The following BMPR1B variants were observed in gnomAD, a reference collection of about 807,000 sequenced individuals.
BMPR1B encodes the protein bone morphogenetic protein receptor type 1B.
In BMPR1B, 12 loss-of-function variants were observed where a neutral mutation model predicts 59.1. The observed-to-expected ratio is 0.20, with a 90% CI of 0.13 to 0.33. BMPR1B has a LOEUF of 0.33. Among genes scored for constraint, BMPR1B ranks in the 10% least tolerant of loss-of-function variants. The pLI, the probability that BMPR1B is intolerant of heterozygous loss-of-function variation, is 1.00. For synonymous variants in BMPR1B, 237 were observed against 207.3 expected, an observed-to-expected ratio of 1.14 and a Z score of -1.23; for missense variants, 550 against 610.9, an observed-to-expected ratio of 0.90 and a Z score of 1.05.
Position 95,093,445 on chromosome 4 carries a change from AGGTTTATAATTCTATGT to A in BMPR1B, c.-17-10962_-17-10946del, listed in dbSNP as rs1730142769. 2.7e-4 allele frequency among the ~76,000 whole-genome samples: 6 copies of A among 21,992 alleles called. No individual in the cohort carries two copies. In the South Asian group the frequency reaches 7.5e-3, roughly 27 times the overall value. The allele number at this position is 21,992 out of a possible 152,430, so 14.4% of individuals were successfully genotyped here. ...GAGGTTTATAATTCTATGTCTGCTG[AGGTTTATAATTCTATGT>A]CAATTACCTGGAAAACAAATGAATA... On this transcript the variant is annotated intron_variant, in intron 3 of 12. Transcript: ENST00000515059.
At chr4:94,813,744 G>A (rs2110642534) in intron 1 of BMPR1B, among the ~76,000 whole-genome samples, 1 of 152,284 alleles carries the variant, frequency 6.6e-6, no homozygotes. Context: ...CCAGTTGAGA[G>A]AGAAATGATG....
intron 2 of BMPR1B, among the ~76,000 whole-genome samples, chr4:94,948,748 T>A (rs969175894): frequency 1.3e-5 from 2 of 152,164 alleles, no homozygotes; most frequent in African/African-American, 2.4e-5. Context: ...GACAACAGAA[T>A]CGCCTGGGTT....
At chr4:95,011,470 G>A (rs1010006189) in intron 3 of BMPR1B, among the ~76,000 whole-genome samples, 1 of 152,082 alleles carries the variant, frequency 6.6e-6, no homozygotes, top group East Asian at 1.9e-4. Context: ...TCCATCTTCG[G>A]TGACACATAT....
At chr4:94,885,248 G>A (rs886661125) in intron 2 of BMPR1B, among the ~76,000 whole-genome samples, 2 of 152,148 alleles carry the variant, frequency 1.3e-5, no homozygotes, top group African/African-American at 4.8e-5. Flanking sequence ...GCTTATTTTT[G>A]CAGCAGTAGT....
In BMPR1B at chr4:94,954,996, C is replaced by T. The variant is rs537784074; in HGVS notation, c.-112-41044C>T. Among the ~76,000 whole-genome samples the T allele has an allele frequency of 3.3e-5, 5 of 152,286 alleles. No homozygotes were observed. The East Asian group carries it at 9.7e-4, about 29-fold the overall frequency. On this transcript the variant is annotated intron_variant, in intron 2 of 12. Transcript: ENST00000515059. Reference sequence around the variant, plus strand: ...TTCCTAACCCCCTTATACTTTTAATCTTTCCATCATTAGACTTCCAAACAG... The same window carrying T: ...TTCCTAACCCCCTTATACTTTTAATTTTTCCATCATTAGACTTCCAAACAG...
intron 3 of BMPR1B, among the ~76,000 whole-genome samples, chr4:95,088,633 T>C (rs1729763067): frequency 1.3e-5 from 2 of 152,176 alleles, no homozygotes; most frequent in Admixed American, 1.3e-4. Flanking sequence ...GAAATATTTG[T>C]ATTACTACCA....
intron 1 of BMPR1B, among the ~76,000 whole-genome samples, chr4:94,866,307 A>C (rs1726239269): frequency 6.6e-6 from 1 of 152,168 alleles, no homozygotes; most frequent in Admixed American, 6.5e-5. Context: ...GCCTTGTGTC[A>C]ACATCCACTT....
chr4:94,826,110 G>A (rs1372563134), intron 1 of BMPR1B, among the ~76,000 whole-genome samples: 2 of 152,028 alleles, frequency 1.3e-5, no homozygotes, highest in Non-Finnish European at 2.9e-5. Context: ...TTTGATAAGG[G>A]CCAGTCAATA....
At chr4:95,135,301 C>T (rs1187914355) in intron 10 of BMPR1B, among the ~76,000 whole-genome samples, 4 of 152,140 alleles carry the variant, frequency 2.6e-5, no homozygotes, top group Non-Finnish European at 5.9e-5. Context: ...AGTGTGATGC[C>T]TCCAGCTTTG....
chr4:94,831,198 G>A (rs941638270), intron 1 of BMPR1B, among the ~76,000 whole-genome samples: 1 of 119,966 alleles, frequency 8.3e-6, no homozygotes, highest in African/African-American at 3.2e-5. Flanking sequence ...GCTAATGTGT[G>A]TGTGTCCTCG....
In BMPR1B at chr4:95,091,469, C is replaced by T. The variant is rs1016608265; in HGVS notation, c.-17-12939C>T. On this transcript the variant is annotated intron_variant, in intron 3 of 12. Transcript: ENST00000515059. ...TATTAGGCAACCACAGTCTGGGCTG[C>T]ATTTCTTAACTGCTGAATAACATAT... 8.1e-6 allele frequency: 8 copies of T among 985,204 alleles called. No individual in the cohort carries two copies. In the African/African-American group the frequency reaches 1.0e-4, roughly 13 times the overall value. The allele number at this position is 985,204 out of a possible 1,614,324, so 61.0% of individuals were successfully genotyped here. A position where few individuals can be genotyped will look rare whatever the true frequency, so the allele number is the denominator to read the frequency against.
intron 11 of BMPR1B, among the ~76,000 whole-genome samples, chr4:95,150,841 C>A (rs2149328312): frequency 6.6e-6 from 1 of 152,238 alleles, no homozygotes; most frequent in African/African-American, 2.4e-5. Context: ...TTACTTAACC[C>A]CTGAGAGCCA....
intron 1 of BMPR1B, among the ~76,000 whole-genome samples, chr4:94,779,887 A>G (rs7667095): frequency 0.32 from 48,475 of 151,718 alleles, 8,316 homozygotes; most frequent in African/African-American, 0.46. Context: ...ATACTGTTTT[A>G]TTTTATATTC....
At chr4:95,006,020 C>G (rs1254329187) in intron 3 of BMPR1B, among the ~76,000 whole-genome samples, 1 of 152,176 alleles carries the variant, frequency 6.6e-6, no homozygotes, top group African/African-American at 2.4e-5. Flanking sequence ...AGCCTCTAAT[C>G]TCAGCACTTT....
chr4:94,927,624 C>T (rs1024873679), intron 2 of BMPR1B, among the ~76,000 whole-genome samples: 6 of 152,016 alleles, frequency 3.9e-5, no homozygotes, highest in Non-Finnish European at 8.8e-5. Flanking sequence ...AATGCAGTTC[C>T]AGGATAGCAA....
At chr4:94,922,508 A>C (rs1309664914) in intron 2 of BMPR1B, among the ~76,000 whole-genome samples, 1 of 152,188 alleles carries the variant, frequency 6.6e-6, no homozygotes, top group Non-Finnish European at 1.5e-5. Context: ...TAGTCTGTTG[A>C]TAATGTTTTA....
intron 1 of BMPR1B, among the ~76,000 whole-genome samples, chr4:94,824,998 A>C (rs1481268884): frequency 6.6e-6 from 1 of 152,220 alleles, no homozygotes; most frequent in African/African-American, 2.4e-5. Flanking sequence ...ATACAAGCTT[A>C]CTTGAAAAAG....
intron 3 of BMPR1B, among the ~76,000 whole-genome samples, chr4:95,011,154 G>T (rs1355080471): frequency 6.6e-6 from 1 of 151,924 alleles, no homozygotes; most frequent in East Asian, 1.9e-4. Flanking sequence ...CTTGGGTCAC[G>T]GTGGTTTGTT....
intron 2 of BMPR1B, among the ~76,000 whole-genome samples, chr4:94,979,683 T>G (rs1425464438): frequency 2.0e-5 from 3 of 152,232 alleles, no homozygotes; most frequent in Non-Finnish European, 4.4e-5. Context: ...AATTCATCTT[T>G]TCAAATATCA....
Sources: gnomAD v4.1 joint callset for allele counts (sites outside exome capture counted in the v4.1 genomes callset) on GRCh38, gnomAD v4.1.1 for gene constraint, MANE v1.5 for transcripts, NCBI Gene and HGNC (gene_info 2026-07-23, HGNC 2026-07-21) for gene names.